CKAP5: variants seen among roughly 807,000 people sequenced by gnomAD.
CKAP5 encodes the protein cytoskeleton associated protein 5.
CKAP5 carries 27 observed loss-of-function variants against 232.8 expected under a neutral mutation model. The observed-to-expected ratio is 0.12, with a 90% CI of 0.09 to 0.16. CKAP5 has a LOEUF of 0.16. Among genes scored for constraint, CKAP5 ranks in the 10% least tolerant of loss-of-function variants. The pLI is 1.00. For synonymous variants in CKAP5, 785 were observed against 841.1 expected (o/e 0.93, Z 1.16); for missense variants, 1,838 against 2,424.7 (o/e 0.76, Z 5.08).
chr11:46,829,882 G>A (rs374492702), intron 1 of CKAP5, among the ~76,000 whole-genome samples: 1 of 134,694 alleles, frequency 7.4e-6, no homozygotes, highest in Non-Finnish European at 1.6e-5. Context: ...GTGTGTGTGT[G>A]TATCTCACAT....
Position 46,821,187 on chromosome 11 carries a change from T to C in CKAP5, c.45A>G (p.Lys15=). ...SEWLKLPVDQ[K]CEHKLWKARL... is the part of the protein sequence containing the mutation. ...AGAAGAATCTTACCTTGTGTTCACATTTCTGATCAACTGGCAGTTTCAACC... is the reference window on the plus strand; with the variant it reads ...AGAAGAATCTTACCTTGTGTTCACACTTCTGATCAACTGGCAGTTTCAACC... The change falls in exon 2 of 44, where the codon AAA becomes AAG. Residue 15 remains lysine (K), a synonymous_variant. Coordinates refer to ENST00000529230, the MANE Select transcript of CKAP5 (RefSeq NM_001008938.4). 6.2e-7 allele frequency: 1 copy of C among 1,613,028 alleles called. No individual in the cohort carries two copies.
At chr11:46,840,852 TAGTC>T (rs1940035641) in intron 1 of CKAP5, among the ~76,000 whole-genome samples, 1 of 152,158 alleles carries the variant, frequency 6.6e-6, no homozygotes, top group Non-Finnish European at 1.5e-5. Flanking sequence ...CCCATTTTTA[TAGTC>T]AGCCTACAGA....
intron 36 of CKAP5, among the ~76,000 whole-genome samples, chr11:46,753,903 G>A (rs1433186753): frequency 6.6e-6 from 1 of 151,198 alleles, no homozygotes; most frequent in East Asian, 2.0e-4. Context: ...TGTTATATTT[G>A]TAAAAATTCA....
chr11:46,791,966 T>TGTAA lies in CKAP5; in HGVS notation c.1651-1387_1651-1384dup, dbSNP rs1938738501. Among the ~76,000 whole-genome samples, 6 of 152,354 alleles carry TGTAA rather than the reference T, an allele frequency of 3.9e-5. No homozygotes were observed. In the South Asian group the frequency reaches 1.0e-3, roughly 26 times the overall value. On this transcript the variant is annotated intron_variant, in intron 13 of 43. Transcript: ENST00000529230. ...TGTTATCTTGAATATATTCCAATAT[T>TGTAA]GTAAGTTGTATTTAGCAAAACTAAG...
At chr11:46,823,393 T>C (rs1358912430) in intron 1 of CKAP5, among the ~76,000 whole-genome samples, 1 of 151,962 alleles carries the variant, frequency 6.6e-6, no homozygotes, top group Non-Finnish European at 1.5e-5. Context: ...ACGTATCCAG[T>C]TTTTTTTCAA....
intron 6 of CKAP5, 79 bp downstream of exon 6, chr11:46,809,663 T>C: frequency 1.3e-6 from 2 of 1,523,396 alleles, no homozygotes; most frequent in East Asian, 2.3e-5. Context: ...CTACAAAATA[T>C]GCCTAATGAA....
intron 33 of CKAP5, 62 bp downstream of exon 33, chr11:46,760,550 C>T: frequency 6.6e-7 from 1 of 1,517,722 alleles, no homozygotes; most frequent in Non-Finnish European, 9.1e-7. Context: ...ACAGGACAGG[C>T]TGTGAGCACA....
intron 24 of CKAP5, among the ~76,000 whole-genome samples, chr11:46,772,905 C>A (rs988758153): frequency 6.6e-6 from 1 of 152,098 alleles, no homozygotes; most frequent in African/African-American, 2.4e-5. Context: ...CCACACCCAG[C>A]TAATTTTTGT....
At chr11:46,830,958 G>A (rs1288864507) in intron 1 of CKAP5, among the ~76,000 whole-genome samples, 1 of 152,034 alleles carries the variant, frequency 6.6e-6, no homozygotes, top group Non-Finnish European at 1.5e-5. Flanking sequence ...CCAGCTACTC[G>A]GGAGGCTGAG....
At chr11:46,826,047 T>C (rs1939643981) in intron 1 of CKAP5, among the ~76,000 whole-genome samples, 1 of 152,198 alleles carries the variant, frequency 6.6e-6, no homozygotes, top group South Asian at 2.1e-4. Context: ...GTATTCTGCA[T>C]TACCAGGCGG....
intron 22 of CKAP5, 65 bp downstream of exon 22, chr11:46,778,074 T>C: frequency 1.4e-6 from 2 of 1,385,538 alleles, no homozygotes; most frequent in East Asian, 2.3e-5. Context: ...AAGGCTACAC[T>C]GAAAAGGTAA....
intron 11 of CKAP5, among the ~76,000 whole-genome samples, chr11:46,797,411 T>G (rs959586265): frequency 1.3e-5 from 2 of 151,828 alleles, no homozygotes; most frequent in African/African-American, 2.4e-5. Context: ...AAACAAAAAT[T>G]TTTCGGGTTA....
intron 1 of CKAP5, among the ~76,000 whole-genome samples, chr11:46,832,903 G>A (rs1241374727): frequency 6.6e-6 from 1 of 152,028 alleles, no homozygotes; most frequent in Non-Finnish European, 1.5e-5. Flanking sequence ...ACTATAGTAA[G>A]CCATGATTGA....
At chr11:46,776,100 C>A (rs1323538099) in intron 24 of CKAP5, among the ~76,000 whole-genome samples, 155 bp downstream of exon 24, 1 of 152,150 alleles carries the variant, frequency 6.6e-6, no homozygotes, top group South Asian at 2.1e-4. Context: ...AATGGAAGCA[C>A]ATGAATACAA....
At chr11:46,844,971 A>T (rs569135338) in intron 1 of CKAP5, among the ~76,000 whole-genome samples, 26 of 152,286 alleles carry the variant, frequency 1.7e-4, no homozygotes, top group African/African-American at 2.6e-4. Context: ...TTATTTAAAA[A>T]TTTTTTTACA....
chr11:46,825,412 G>A (rs917490474), intron 1 of CKAP5, among the ~76,000 whole-genome samples: 5 of 152,112 alleles, frequency 3.3e-5, no homozygotes, highest in African/African-American at 1.2e-4. Flanking sequence ...TACAACCCAT[G>A]GGCCCAAGTG....
At chr11:46,808,612 TTTTG>T (rs1939208576) in intron 7 of CKAP5, among the ~76,000 whole-genome samples, 2 of 152,316 alleles carry the variant, frequency 1.3e-5, no homozygotes, top group South Asian at 4.1e-4. Context: ...ATATATAAAT[TTTTG>T]TTCATATATA....
At chr11:46,771,283 G>A (rs117937213) in intron 24 of CKAP5, among the ~76,000 whole-genome samples, 4,644 of 152,218 alleles carry the variant, frequency 0.031, 105 homozygotes, top group Non-Finnish European at 0.046. Flanking sequence ...CTTTAGTTCT[G>A]AAAAATATTT....
At chr11:46,770,682 G>A in intron 25 of CKAP5, 106 bp downstream of exon 25, 1 of 999,442 alleles carries the variant, frequency 1.0e-6, no homozygotes, top group Non-Finnish European at 1.5e-6. Context: ...ACCTGTCTCG[G>A]CCTCCCAAAG....
Sources: gnomAD v4.1 joint callset for allele counts (sites outside exome capture counted in the v4.1 genomes callset) on GRCh38, gnomAD v4.1.1 for gene constraint, MANE v1.5 for transcripts, NCBI Gene and HGNC (gene_info 2026-07-23, HGNC 2026-07-21) for gene names.